ECPAS: variants seen among roughly 807,000 people sequenced by gnomAD.
ECPAS encodes the protein proteasome adapter and scaffold protein ECM29.
ECPAS carries 70 observed loss-of-function variants against 255.1 expected under a neutral mutation model. The observed-to-expected ratio is 0.27, with a 90% CI of 0.23 to 0.33. The LOEUF is 0.33. Among genes scored for constraint, ECPAS ranks in the 10% least tolerant of loss-of-function variants. The pLI, the probability that ECPAS is intolerant of heterozygous loss-of-function variation, is 1.00. For synonymous variants in ECPAS, 784 were observed against 775.0 expected (o/e 1.01, Z -0.19); for missense variants, 1,817 against 2,206.4 (o/e 0.82, Z 3.54).
intron 8 of ECPAS, among the ~76,000 whole-genome samples, chr9:111,430,986 G>C (rs768836833): frequency 2.6e-5 from 4 of 152,212 alleles, no homozygotes; most frequent in Admixed American, 2.0e-4. Flanking sequence ...CTTGTTCAAA[G>C]AGGCCTGGGG....
At chr9:111,435,834 C>A (rs901368356) in intron 7 of ECPAS, among the ~76,000 whole-genome samples, 1 of 150,696 alleles carries the variant, frequency 6.6e-6, no homozygotes, top group Admixed American at 6.6e-5. Flanking sequence ...CGCCCGCCAC[C>A]ACGCCCAGCT....
intron 2 of ECPAS, among the ~76,000 whole-genome samples, chr9:111,461,997 T>G (rs1042910988): frequency 2.0e-5 from 3 of 152,180 alleles, no homozygotes; most frequent in Admixed American, 6.5e-5. Context: ...CATCTCCCAC[T>G]GCATCCCTCC....
chr9:111,440,339 C>A, intron 6 of ECPAS, 33 bp downstream of exon 6: 1 of 1,567,904 alleles, frequency 6.4e-7, no homozygotes, highest in South Asian at 1.2e-5. Flanking sequence ...TAAAAGCAGT[C>A]AAGAACAAGG....
rs914346480 is a variant in ECPAS at position 111,411,044 on chromosome 9, C to T, written c.2313G>A (p.Leu771=). Residue 771 remains leucine, a synonymous_variant, in exon 22 of 50, where the codon CTG becomes CTA. Transcript: ENST00000684092. ...KKMRMSEQQD[L]ERNADTLPDQ... ...CAGGGAGGGTGTCAGCATTTCTCTC[C>T]AGGTCTTGTTGCTCTGACATTCTCA... 7 of 1,613,798 alleles carry T rather than the reference C, an allele frequency of 4.3e-6. No individual in the cohort carries two copies. Among genetic ancestry groups the T allele is most frequent in the African/African-American group, 4.0e-5 (3 of 74,912 alleles).
At chr9:111,366,486 G>A in intron 47 of ECPAS, 36 bp downstream of exon 47, 1 of 1,493,740 alleles carries the variant, frequency 6.7e-7, no homozygotes, top group Non-Finnish European at 9.3e-7. Context: ...CTGCGGGGAG[G>A]AACAAAATAA....
intron 2 of ECPAS, among the ~76,000 whole-genome samples, chr9:111,454,383 T>C (rs2098264276): frequency 6.6e-6 from 1 of 152,160 alleles, no homozygotes; most frequent in South Asian, 2.1e-4. Flanking sequence ...ATCATTTGGA[T>C]GCTTCTATGT....
At chr9:111,412,828 T>C (rs750736963) in intron 20 of ECPAS, among the ~76,000 whole-genome samples, 2 of 152,180 alleles carry the variant, frequency 1.3e-5, no homozygotes, top group Non-Finnish European at 2.9e-5. Flanking sequence ...GCAAATTTCA[T>C]TCATGTTTTC....
At chr9:111,462,842 A>C (rs2098274814) in intron 2 of ECPAS, among the ~76,000 whole-genome samples, 1 of 150,578 alleles carries the variant, frequency 6.6e-6, no homozygotes, top group Admixed American at 6.7e-5. Context: ...TCCCAGGTTC[A>C]AGCGATTCTC....
intron 2 of ECPAS, among the ~76,000 whole-genome samples, chr9:111,457,468 G>A (rs2098268317): frequency 6.6e-6 from 1 of 152,182 alleles, no homozygotes; most frequent in Non-Finnish European, 1.5e-5. Flanking sequence ...CCTTAGATAG[G>A]ACAGGAAGGC....
Position 111,451,672 on chromosome 9 carries a change from C to T in ECPAS, c.23-117G>A, listed in dbSNP as rs2131963968. 5.5e-6 allele frequency: 5 copies of T among 908,606 alleles called. No homozygotes were observed. In the South Asian group the frequency reaches 9.4e-5, roughly 17 times the overall value. 56.3% of individuals were successfully genotyped at this position (908,606 alleles called of 1,614,324 possible). On this transcript the variant is annotated intron_variant, in intron 2 of 49. Transcript: ENST00000684092. ...GCAATCCTTCAGTCAGGACTTTAAC[C>T]ACAGCTAGCCCTATACAGATATTTT...
intron 24 of ECPAS, among the ~76,000 whole-genome samples, chr9:111,400,775 G>A (rs1294399850): frequency 6.6e-6 from 1 of 152,138 alleles, no homozygotes; most frequent in Non-Finnish European, 1.5e-5. Flanking sequence ...ACAAGATCTG[G>A]AAAACAGCTT....
Position 111,424,277 on chromosome 9 carries a change from A to G in ECPAS, c.1216-1029T>C, listed in dbSNP as rs2098218318. On this transcript the variant is annotated intron_variant, in intron 12 of 49. Transcript: ENST00000684092. The stretch of plus-strand genomic sequence containing the variant: ...CTAACGTGCCTTGACTATGGTGAAC[A>G]ATTTAGGTAGATTAACTCATTCAAT... Among the ~76,000 whole-genome samples, 3 of 152,204 alleles carry G rather than the reference A, an allele frequency of 2.0e-5. No homozygotes were observed. In the South Asian group the frequency reaches 6.2e-4, roughly 32 times the overall value.
At chr9:111,415,252 T>TGG (rs1554788885) in intron 18 of ECPAS, among the ~76,000 whole-genome samples, 31 of 150,222 alleles carry the variant, frequency 2.1e-4, no homozygotes, top group Non-Finnish European at 3.7e-4. Context: ...TGTGTGTGTG[T>TGG]GAGAGAGAGA....
chr9:111,423,331 T>C, intron 12 of ECPAS, 83 bp from the exon 13 acceptor site: 1 of 918,756 alleles, frequency 1.1e-6, no homozygotes, highest in Admixed American at 2.2e-5. Flanking sequence ...TAAAACCTTT[T>C]CGCTGCAATT....
intron 45 of ECPAS, 76 bp from the exon 46 acceptor site, chr9:111,369,249 G>T: frequency 8.8e-7 from 1 of 1,139,146 alleles, no homozygotes; most frequent in Non-Finnish European, 1.2e-6. Context: ...AGCTATCAGG[G>T]TACCAACCAA....
chr9:111,393,835 A>G (rs1310511728), intron 26 of ECPAS, 101 bp from the exon 27 acceptor site: 4 of 891,368 alleles, frequency 4.5e-6, no homozygotes, highest in African/African-American at 1.7e-5. Context: ...CTTATTATCC[A>G]AGCCAGTTAC....
chr9:111,444,341 T>C, intron 4 of ECPAS, 37 bp downstream of exon 4: 1 of 1,421,578 alleles, frequency 7.0e-7, no homozygotes, highest in East Asian at 2.3e-5. Flanking sequence ...AAAGAAAATT[T>C]GCTGTAAGTC....
At chr9:111,429,024 T>C (rs1473334120) in intron 9 of ECPAS, among the ~76,000 whole-genome samples, 2 of 152,232 alleles carry the variant, frequency 1.3e-5, no homozygotes, top group African/African-American at 4.8e-5. Context: ...AGCTATCAAA[T>C]CACTGTGGTG....
chr9:111,366,755 G>C (rs1304372581), intron 46 of ECPAS, 128 bp from the exon 47 acceptor site: 2 of 621,068 alleles, frequency 3.2e-6, no homozygotes, highest in Admixed American at 2.9e-5. Flanking sequence ...AAGGTGGGGA[G>C]GATAAGAGAG....
Sources: gnomAD v4.1 joint callset for allele counts (sites outside exome capture counted in the v4.1 genomes callset) on GRCh38, gnomAD v4.1.1 for gene constraint, MANE v1.5 for transcripts, NCBI Gene and HGNC (gene_info 2026-07-23, HGNC 2026-07-21) for gene names.